TSPAN18: variants seen among roughly 807,000 people sequenced by gnomAD.
The protein encoded by TSPAN18 is tetraspanin-18.
In TSPAN18, 14 loss-of-function variants were observed where a neutral mutation model predicts 27.3. The observed-to-expected ratio is 0.51, with a 90% CI of 0.34 to 0.80. The LOEUF is 0.80. TSPAN18 is among the 30% of genes least tolerant of loss of function. The probability of loss-of-function intolerance (pLI) is 0.01; values close to 1 mark genes in which losing one functional copy is unlikely to be tolerated. For missense variants in TSPAN18, 268 were observed against 323.9 expected (o/e 0.83, Z 1.32); for synonymous variants, 143 against 136.5 (o/e 1.05, Z -0.33).
chr11:44,873,121 T>G (rs1168727206), intron 3 of TSPAN18, among the ~76,000 whole-genome samples: 1 of 152,214 alleles, frequency 6.6e-6, no homozygotes, highest in Non-Finnish European at 1.5e-5. Flanking sequence ...TATGTGGTTG[T>G]GGGTTGTTGG....
At chr11:44,924,955 G>T (rs571445507) in intron 8 of TSPAN18, among the ~76,000 whole-genome samples, 1 of 152,316 alleles carries the variant, frequency 6.6e-6, no homozygotes, top group Non-Finnish European at 1.5e-5. Context: ...GCAGATCCAG[G>T]ATGGACCCTG....
intron 1 of TSPAN18, among the ~76,000 whole-genome samples, chr11:44,737,857 T>C (rs1320854176): frequency 6.6e-6 from 1 of 152,072 alleles, no homozygotes; most frequent in East Asian, 1.9e-4. Flanking sequence ...CCCTCTTTAG[T>C]TACCTGACTC....
chr11:44,738,342 CGCTGGAGCCCACCTG>C (rs1854847466), intron 1 of TSPAN18, among the ~76,000 whole-genome samples: 1 of 152,172 alleles, frequency 6.6e-6, no homozygotes, highest in South Asian at 2.1e-4. Flanking sequence ...ACAGTGGGAA[CGCTGGAGCCCACCTG>C]GCTGGAGCCC....
At chr11:44,822,952 C>G (rs1856957488) in intron 2 of TSPAN18, among the ~76,000 whole-genome samples, 1 of 152,186 alleles carries the variant, frequency 6.6e-6, no homozygotes, top group Admixed American at 6.5e-5. Context: ...GGGCAGGTTT[C>G]TTAGACTTTC....
At chr11:44,892,894 A>G (rs1480451201) in intron 3 of TSPAN18, among the ~76,000 whole-genome samples, 3 of 152,210 alleles carry the variant, frequency 2.0e-5, no homozygotes, top group Non-Finnish European at 2.9e-5. Flanking sequence ...CTGATGACAT[A>G]AAGTGTATAA....
chr11:44,866,358 A>G (rs552083753), intron 3 of TSPAN18, among the ~76,000 whole-genome samples: 2 of 152,336 alleles, frequency 1.3e-5, no homozygotes, highest in Admixed American at 1.3e-4. Context: ...CTTGCCACCT[A>G]GGATCACATA....
At chr11:44,837,576 G>T (rs1403743058) in intron 2 of TSPAN18, among the ~76,000 whole-genome samples, 1 of 152,234 alleles carries the variant, frequency 6.6e-6, no homozygotes, top group African/African-American at 2.4e-5. Context: ...GTTTTACTGT[G>T]GGTGAAATCC....
chr11:44,741,455 G>A (rs1358892586), intron 1 of TSPAN18, among the ~76,000 whole-genome samples: 3 of 151,926 alleles, frequency 2.0e-5, no homozygotes, highest in Admixed American at 1.3e-4. Flanking sequence ...GTATGTGTGT[G>A]TGTGTGTGTG....
In TSPAN18 at chr11:44,796,475, G is replaced by A. The variant is rs144924401; in HGVS notation, c.-153+31963G>A. Among the ~76,000 whole-genome samples, 48 of 152,224 alleles carry A rather than the reference G, an allele frequency of 3.2e-4. 2 individuals carry two copies. In the East Asian group the frequency reaches 8.7e-3, roughly 28 times the overall value. On this transcript the variant is annotated intron_variant, in intron 2 of 9. Coordinates refer to ENST00000520358, the MANE Select transcript of TSPAN18 (RefSeq NM_130783.5). ...AAGCAAGAACCTGGAGCTCAGGGTC[G>A]GTCATGGGGACTGGTGGAGTCATCG...
At chr11:44,923,047 T>C (rs1860202767) in intron 8 of TSPAN18, among the ~76,000 whole-genome samples, 1 of 151,996 alleles carries the variant, frequency 6.6e-6, no homozygotes, top group African/African-American at 2.4e-5. Flanking sequence ...AGGCGGAGGT[T>C]GCGGTGAGCT....
At chr11:44,740,313 A>G (rs1271909009) in intron 1 of TSPAN18, among the ~76,000 whole-genome samples, 2 of 152,130 alleles carry the variant, frequency 1.3e-5, no homozygotes, top group African/African-American at 4.8e-5. Context: ...ACCTTCCTCC[A>G]TTGTGTGATA....
intron 2 of TSPAN18, among the ~76,000 whole-genome samples, chr11:44,789,388 C>T (rs574879235): frequency 2.0e-4 from 30 of 152,168 alleles, no homozygotes; most frequent in African/African-American, 6.5e-4. Flanking sequence ...TTCCTTCTGC[C>T]AAGAAAAAAG....
chr11:44,862,291 G>A (rs1263547739), intron 3 of TSPAN18, among the ~76,000 whole-genome samples: 1 of 152,204 alleles, frequency 6.6e-6, no homozygotes, highest in Non-Finnish European at 1.5e-5. Context: ...GATTTCATTT[G>A]AGCAAATATT....
At chr11:44,779,366 A>G (rs1855885798) in intron 2 of TSPAN18, among the ~76,000 whole-genome samples, 1 of 152,082 alleles carries the variant, frequency 6.6e-6, no homozygotes, top group East Asian at 1.9e-4. Flanking sequence ...GCCAATAAAA[A>G]CACTGTGTCC....
intron 2 of TSPAN18, among the ~76,000 whole-genome samples, chr11:44,802,207 C>A (rs766150916): frequency 4.1e-4 from 62 of 151,728 alleles, no homozygotes; most frequent in Non-Finnish European, 7.1e-4. Flanking sequence ...TACGGCAGCC[C>A]CTGGGGGTCT....
chr11:44,833,666 T>C (rs1310403100), intron 2 of TSPAN18, among the ~76,000 whole-genome samples: 2 of 152,138 alleles, frequency 1.3e-5, no homozygotes, highest in African/African-American at 2.4e-5. Context: ...CCCAGAATGA[T>C]GGCTGGGCAG....
chr11:44,921,751 C>T (rs1371553790), intron 8 of TSPAN18, among the ~76,000 whole-genome samples: 2 of 152,148 alleles, frequency 1.3e-5, no homozygotes, highest in South Asian at 2.1e-4. Flanking sequence ...TTGAGATGCC[C>T]GTTGCCAACA....
chr11:44,912,365 G>C (rs1859753055), intron 5 of TSPAN18, among the ~76,000 whole-genome samples: 1 of 151,364 alleles, frequency 6.6e-6, no homozygotes, highest in African/African-American at 2.4e-5. Flanking sequence ...CCCTTTCCTT[G>C]TCCCTGTCCT....
intron 8 of TSPAN18, among the ~76,000 whole-genome samples, 176 bp downstream of exon 8, chr11:44,920,175 C>T (rs1014709320): frequency 6.6e-6 from 1 of 152,174 alleles, no homozygotes; most frequent in African/African-American, 2.4e-5. Flanking sequence ...GGCTCTCTGT[C>T]CAAGCCCCTG....
Sources: allele counts gnomAD v4.1 joint callset (sites outside exome capture counted in the v4.1 genomes callset), GRCh38; gene constraint gnomAD v4.1.1; transcripts MANE v1.5; gene names NCBI Gene and HGNC (gene_info 2026-07-23, HGNC 2026-07-21).